The following NAPG variants were observed in gnomAD, a reference collection of about 807,000 sequenced individuals.
NAPG encodes the protein NSF attachment protein gamma, also known as gamma-soluble NSF attachment protein.
In NAPG, 25 loss-of-function variants were observed where a neutral mutation model predicts 48.4. The observed-to-expected ratio is 0.52, with a 90% CI of 0.38 to 0.72. NAPG has a LOEUF of 0.72. Ranked by LOEUF, NAPG falls within the 30% of genes least tolerant of loss-of-function variation. The pLI is 0.00. For synonymous variants in NAPG, 139 were observed against 127.2 expected, an observed-to-expected ratio of 1.09 and a Z score of -0.62; for missense variants, 359 against 372.5, an observed-to-expected ratio of 0.96 and a Z score of 0.30.
At chr18:10,526,259 T>C (rs1422360328) in intron 1 of NAPG, 101 bp downstream of exon 1, 8 of 790,834 alleles carry the variant, frequency 1.0e-5, no homozygotes, top group Non-Finnish European at 1.6e-5. Context: ...GGCTCAGGGC[T>C]GAGGGGCCTC....
chr18:10,526,861 G>A (rs965282888), intron 1 of NAPG: 1 of 152,190 alleles, frequency 6.6e-6, no homozygotes, highest in Non-Finnish European at 1.5e-5. Context: ...CATTACTCCA[G>A]TGCATTTTTA....
intron 8 of NAPG, among the ~76,000 whole-genome samples, chr18:10,545,669 G>A (rs2032247920): frequency 6.6e-6 from 1 of 152,210 alleles, no homozygotes; most frequent in South Asian, 2.1e-4. Flanking sequence ...AAGGGGTAAG[G>A]GCCTGGAGGG....
chr18:10,540,604 G>A (rs1320296157), intron 8 of NAPG: 1 of 447,970 alleles, frequency 2.2e-6, no homozygotes, highest in Non-Finnish European at 3.9e-6. Context: ...AAAGTGTAAT[G>A]CCCAAATTTA....
At position 10,544,407 on chromosome 18, in the gene NAPG, C is replaced by T. The variant is rs2032219649; in HGVS notation, c.507-1919C>T. ...CCGGAGGCTTGGGTCCTTTTCCAAG[C>T]TCATTGATTGTTGGCAGAATTGATT... is the stretch of plus-strand genomic sequence containing the variant. On this transcript the variant is annotated intron_variant, in intron 8 of 11. Coordinates refer to ENST00000322897, the MANE Select transcript of NAPG (RefSeq NM_003826.3). This position sits in a 1 kb window ranked among gnomAD's most constrained non-coding sequence, Gnocchi z 5.1. Among the ~76,000 whole-genome samples, 1 of 152,304 alleles carries T rather than the reference C, an allele frequency of 6.6e-6. No homozygotes were observed. The highest frequency in any genetic ancestry group is 2.1e-4 in the South Asian group (1 of 4,824).
At chr18:10,531,803 G>T (rs1904832058) in intron 2 of NAPG, among the ~76,000 whole-genome samples, 1 of 152,182 alleles carries the variant, frequency 6.6e-6, no homozygotes, top group South Asian at 2.1e-4. Context: ...GCCCCTCTGA[G>T]ATCATGAATT....
At position 10,551,811 on chromosome 18, in the gene NAPG, C is replaced by G. The variant is rs553545187; in HGVS notation, c.*1591C>G. ...GGGTGCGTGGATGTTGGTATACAGTCTTTATTGTAAGTCTGATACAAAATG... is the reference window on the plus strand; with the variant it reads ...GGGTGCGTGGATGTTGGTATACAGTGTTTATTGTAAGTCTGATACAAAATG... On this transcript the variant is annotated 3_prime_UTR_variant, in exon 12 of 12. Transcript: ENST00000322897. 2.6e-5 allele frequency: 4 copies of G among 152,112 alleles called. No homozygotes were observed. In the South Asian group the frequency reaches 8.3e-4, roughly 32 times the overall value. 9.4% of individuals were successfully genotyped at this position (152,112 alleles called of 1,614,324 possible). A position where few individuals can be genotyped will look rare whatever the true frequency, so the allele number is the denominator to read the frequency against.
chr18:10,545,502 A>G (rs934211645), intron 8 of NAPG, among the ~76,000 whole-genome samples: 1 of 152,024 alleles, frequency 6.6e-6, no homozygotes, highest in Non-Finnish European at 1.5e-5. Flanking sequence ...ATAACCGTGG[A>G]CTGTTATTGG....
intron 5 of NAPG, among the ~76,000 whole-genome samples, chr18:10,538,285 C>T (rs987596126): frequency 6.6e-6 from 1 of 152,140 alleles, no homozygotes; most frequent in South Asian, 2.1e-4. Flanking sequence ...AAGTGAAGAG[C>T]GGGGAGAAGC....
At chr18:10,540,155 C>G in intron 7 of NAPG, 101 bp downstream of exon 7, 1 of 1,140,320 alleles carries the variant, frequency 8.8e-7, no homozygotes, top group Non-Finnish European at 1.2e-6. Flanking sequence ...AAAACTTTTC[C>G]CTGCTCACAG....
At chr18:10,531,837 A>G (rs961723811) in intron 2 of NAPG, among the ~76,000 whole-genome samples, 1 of 152,206 alleles carries the variant, frequency 6.6e-6, no homozygotes, top group African/African-American at 2.4e-5. Flanking sequence ...AATGTTTTAG[A>G]TGAAATTTTC....
intron 8 of NAPG, chr18:10,540,621 A>G: frequency 1.0e-5 from 4 of 401,692 alleles, no homozygotes. Flanking sequence ...TTTATCATGC[A>G]CTGTGCTTTT....
rs1567896067 is a variant in NAPG at position 10,550,866 on chromosome 18, C to G, written c.*646C>G. The G allele has an allele frequency of 6.6e-6, 1 of 152,042 alleles. No homozygotes were observed. Among genetic ancestry groups the G allele is most frequent in the Non-Finnish European group, 1.5e-5 (1 of 68,032 alleles). 9.4% of individuals were successfully genotyped at this position (152,042 alleles called of 1,614,324 possible). On this transcript the variant is annotated 3_prime_UTR_variant, in exon 12 of 12. Coordinates refer to ENST00000322897, the MANE Select transcript of NAPG (RefSeq NM_003826.3). The stretch of plus-strand genomic sequence containing the variant: ...AAGTGATCTATAAATATCTTCAGTC[C>G]TCTCTGAAGTGTGGGTATTTCTTCT...
Position 10,551,634 on chromosome 18 carries a change from C to G in NAPG, c.*1414C>G, listed in dbSNP as rs1399601471. 6.6e-6 allele frequency: 1 copy of G among 152,192 alleles called. No homozygotes were observed. The highest frequency in any genetic ancestry group is 1.5e-5 in the Non-Finnish European group (1 of 68,032). 9.4% of individuals were successfully genotyped at this position (152,192 alleles called of 1,614,324 possible). ...TAATTCCTGCTCATCCATGCCCTGT[C>G]TCTGTCTCTTTTAGAGTCATACCTT... On this transcript the variant is annotated 3_prime_UTR_variant, in exon 12 of 12. Coordinates refer to ENST00000322897, the MANE Select transcript of NAPG (RefSeq NM_003826.3).
chr18:10,537,708 T>C (rs1313162527), intron 5 of NAPG, among the ~76,000 whole-genome samples: 1 of 152,208 alleles, frequency 6.6e-6, no homozygotes, highest in Admixed American at 6.5e-5. Flanking sequence ...TATTGTAGAC[T>C]CGGATTCTTT....
At chr18:10,526,494 A>G (rs1434638198) in intron 1 of NAPG, 1 of 312,072 alleles carries the variant, frequency 3.2e-6, no homozygotes, top group African/African-American at 2.2e-5. Context: ...CTGTCTGTGC[A>G]TCGGAGGCTC....
At chr18:10,549,944 T>A in intron 11 of NAPG, 133 bp from the exon 12 acceptor site, 1 of 892,984 alleles carries the variant, frequency 1.1e-6, no homozygotes, top group Non-Finnish European at 1.6e-6. Flanking sequence ...ATTGTTGGGC[T>A]TTGTTTTTCC....
At position 10,546,418 on chromosome 18, in the gene NAPG, GTGTT is replaced by G. The variant is rs938979027; in HGVS notation, c.585+20_585+23del. On this transcript the variant is annotated intron_variant, in intron 9 of 11. Coordinates refer to ENST00000322897, the MANE Select transcript of NAPG (RefSeq NM_003826.3). The surrounding 1 kb of genome is among the most constrained non-coding windows in gnomAD (Gnocchi z 4.0). ...ACTTGTTATAAGGTATTCTTTGAAA[GTGTT>G]TGTTTTTGGTATTACATTAGATGAT... The G allele has an allele frequency of 8.2e-6, 12 of 1,471,482 alleles. No homozygotes were observed. Among genetic ancestry groups the G allele is most frequent in the African/African-American group, 2.8e-5 (2 of 70,962 alleles). 91.2% of individuals were successfully genotyped at this position (1,471,482 alleles called of 1,614,324 possible). A position where few individuals can be genotyped will look rare whatever the true frequency, so the allele number is the denominator to read the frequency against.
At chr18:10,529,136 C>T (rs569785176) in intron 1 of NAPG, among the ~76,000 whole-genome samples, 1 of 152,244 alleles carries the variant, frequency 6.6e-6, no homozygotes, top group Non-Finnish European at 1.5e-5. Context: ...GTTTTAAACT[C>T]TCTGGGTCTT....
intron 2 of NAPG, among the ~76,000 whole-genome samples, chr18:10,531,307 A>G (rs1041723062): frequency 1.4e-4 from 22 of 152,164 alleles, no homozygotes; most frequent in Non-Finnish European, 2.4e-4. Flanking sequence ...TTCAGTGTTC[A>G]TGAAGTGTTA....
Sources: allele counts gnomAD v4.1 joint callset (sites outside exome capture counted in the v4.1 genomes callset), GRCh38; gene constraint gnomAD v4.1.1; non-coding constraint Gnocchi (gnomAD v3.1); transcripts MANE v1.5; gene names NCBI Gene and HGNC (gene_info 2026-07-23, HGNC 2026-07-21).